MTX2: variants seen among roughly 807,000 people sequenced by gnomAD.
The protein encoded by MTX2 is metaxin 2, also known as metaxin-2.
In MTX2, 35 loss-of-function variants were observed where a neutral mutation model predicts 42.3. That is an observed-to-expected ratio of 0.83 (90% CI 0.63 to 1.10). MTX2 has a LOEUF of 1.10. Among genes scored for constraint, MTX2 ranks in the 50% least tolerant of loss-of-function variants. The pLI is 0.00. For missense variants in MTX2, 307 were observed against 304.1 expected (o/e 1.01, Z -0.07); for synonymous variants, 119 against 100.9 (o/e 1.18, Z -1.08).
chr2:176,276,042 C>T (rs2105393930), intron 1 of MTX2, among the ~76,000 whole-genome samples: 1 of 152,264 alleles, frequency 6.6e-6, no homozygotes, highest in South Asian at 2.1e-4. Context: ...CCTTTTTAAG[C>T]CTGAGATTTC....
intron 3 of MTX2, among the ~76,000 whole-genome samples, chr2:176,316,285 T>C (rs1684435383): frequency 6.6e-6 from 1 of 152,228 alleles, no homozygotes. Context: ...TATGTCATCT[T>C]GTATAATTCA....
chr2:176,303,722 A>C (rs1684080208), intron 3 of MTX2, among the ~76,000 whole-genome samples: 1 of 152,128 alleles, frequency 6.6e-6, no homozygotes, highest in South Asian at 2.1e-4. Context: ...CATTAAAATT[A>C]GGCAGTGTAG....
At chr2:176,322,827 A>G (rs886859236) in intron 3 of MTX2, among the ~76,000 whole-genome samples, 3 of 151,960 alleles carry the variant, frequency 2.0e-5, no homozygotes, top group Non-Finnish European at 4.4e-5. Flanking sequence ...AGACATTTAA[A>G]TTGCTTATAA....
chr2:176,274,275 A>G (rs1692893687), intron 1 of MTX2, among the ~76,000 whole-genome samples: 1 of 152,228 alleles, frequency 6.6e-6, no homozygotes, highest in Admixed American at 6.5e-5. Context: ...AACTTTGATG[A>G]GCAAAGCTAT....
intron 3 of MTX2, among the ~76,000 whole-genome samples, chr2:176,317,334 CTTGGCA>C (rs1244836480): frequency 3.3e-5 from 5 of 151,250 alleles, no homozygotes; most frequent in Admixed American, 1.3e-4. Context: ...TGTGCAAGTA[CTTGGCA>C]TAGAGTAAGT....
chr2:176,285,484 C>T (rs1338022966), intron 1 of MTX2, among the ~76,000 whole-genome samples: 7 of 145,738 alleles, frequency 4.8e-5, no homozygotes, highest in Non-Finnish European at 8.9e-5. Context: ...CAGTAGGTTT[C>T]CATCACCTCC....
intron 3 of MTX2, among the ~76,000 whole-genome samples, chr2:176,306,427 T>C (rs1239191313): frequency 1.3e-5 from 2 of 152,212 alleles, no homozygotes; most frequent in Non-Finnish European, 2.9e-5. Flanking sequence ...ATATACCCAG[T>C]AATGGGATTG....
intron 4 of MTX2, 22 bp from the exon 5 acceptor site, chr2:176,326,803 T>A (rs759101959): frequency 3.5e-6 from 5 of 1,431,870 alleles, no homozygotes; most frequent in South Asian, 1.3e-5. Context: ...TTTTTATAAA[T>A]ACTTTTTTTT....
intron 3 of MTX2, among the ~76,000 whole-genome samples, chr2:176,306,303 G>A (rs970415494): frequency 4.6e-5 from 7 of 152,140 alleles, no homozygotes; most frequent in African/African-American, 1.7e-4. Flanking sequence ...TCTTAATCCA[G>A]TCTATCACTG....
rs536254735 is a variant in MTX2 at position 176,277,000 on chromosome 2, A to T, written c.40+7331A>T. 5.9e-5 allele frequency among the ~76,000 whole-genome samples: 9 copies of T among 152,344 alleles called. No individual in the cohort carries two copies. In the South Asian group the frequency reaches 1.4e-3, roughly 25 times the overall value. On this transcript the variant is annotated intron_variant, in intron 1 of 9. Transcript: ENST00000249442. ...TCTCGTTGTGGGCATTTGGGTGCTT[A>T]ATTATTTAAATTTATTAATAACTTC...
intron 3 of MTX2, among the ~76,000 whole-genome samples, chr2:176,322,061 A>T (rs1684597754): frequency 6.6e-6 from 1 of 152,292 alleles, no homozygotes; most frequent in Middle Eastern, 3.4e-3. Context: ...ACATGCATAC[A>T]TAAGTTACAG....
chr2:176,313,388 CTTTTTTTTT>C (rs1207416607), intron 3 of MTX2, among the ~76,000 whole-genome samples: 5 of 103,490 alleles, frequency 4.8e-5, no homozygotes, highest in East Asian at 2.6e-4. Flanking sequence ...TACACTGATT[CTTTTTTTTT>C]TTTTTTTTTT....
chr2:176,283,632 G>A (rs1299546244), intron 1 of MTX2, among the ~76,000 whole-genome samples: 5 of 152,296 alleles, frequency 3.3e-5, no homozygotes, highest in African/African-American at 4.8e-5. Flanking sequence ...CAAAGTATAT[G>A]TACAGTACCT....
At chr2:176,270,138 A>G in intron 1 of MTX2, 1 of 303,952 alleles carries the variant, frequency 3.3e-6, no homozygotes, top group Non-Finnish European at 6.4e-6. Flanking sequence ...CCAGCGACAC[A>G]GTAGTGCCAT....
In MTX2 at chr2:176,305,699, T is replaced by G. The variant is rs140608035; in HGVS notation, c.135+7804T>G. 3.7e-3 allele frequency among the ~76,000 whole-genome samples: 557 copies of G among 152,300 alleles called. 6 individuals are homozygous for G. Among genetic ancestry groups the G allele is most frequent in the East Asian group, 0.036 (184 of 5,182 alleles). ...TTGCTTTCAGAAATAACCTGATTTT[T>G]TTCTATAGCTGTCAGATGTTGATGT... is the stretch of plus-strand genomic sequence containing the variant. On this transcript the variant is annotated intron_variant, in intron 3 of 9. Transcript: ENST00000249442.
At chr2:176,332,036 A>G (rs1684875294) in intron 9 of MTX2, among the ~76,000 whole-genome samples, 1 of 150,446 alleles carries the variant, frequency 6.6e-6, no homozygotes, top group African/African-American at 2.5e-5. Context: ...TAAGGGCACA[A>G]TTACATTTAC....
intron 2 of MTX2, 53 bp downstream of exon 2, chr2:176,296,960 G>A (rs908557659): frequency 1.9e-5 from 29 of 1,506,874 alleles, no homozygotes; most frequent in Admixed American, 1.7e-4. Flanking sequence ...TATTTATTAC[G>A]GAAAAATCCT....
rs748617249 is a variant in MTX2 at position 176,330,631 on chromosome 2, G to A, written c.591G>A (p.Leu197=). 7 of 1,595,628 alleles carry A rather than the reference G, an allele frequency of 4.4e-6. No individual in the cohort carries two copies. The South Asian group carries it at 6.8e-5, about 15-fold the overall frequency. ...GCTGTCAAGCTCTCTCTCAAAGACT[G>A]GGAACACAACCGTATTTCTTCAATA... ...DQCCQALSQR[L]GTQPYFFNKQ... is the part of the protein sequence containing the mutation. The change falls in exon 9 of 10, where the codon CTG becomes CTA. Residue 197 remains leucine (L), a synonymous_variant. Coordinates refer to ENST00000249442, the MANE Select transcript of MTX2 (RefSeq NM_006554.5).
intron 1 of MTX2, among the ~76,000 whole-genome samples, chr2:176,272,755 C>T (rs547534216): frequency 8.6e-5 from 13 of 151,846 alleles, no homozygotes; most frequent in Non-Finnish European, 1.6e-4. Flanking sequence ...TTGTAACTAG[C>T]GATTGGGATA....
Sources: allele counts gnomAD v4.1 joint callset (sites outside exome capture counted in the v4.1 genomes callset), GRCh38; gene constraint gnomAD v4.1.1; transcripts MANE v1.5; gene names NCBI Gene and HGNC (gene_info 2026-07-23, HGNC 2026-07-21).